Variants in KIAA1671 observed in about 807,000 individuals in gnomAD.
The protein encoded by KIAA1671 is KIAA1671, also known as uncharacterized protein KIAA1671.
In KIAA1671, 52 loss-of-function variants were observed where a neutral mutation model predicts 131.2. That is an observed-to-expected ratio of 0.40 (90% CI 0.32 to 0.50). KIAA1671 has a LOEUF of 0.50. Ranked by LOEUF, KIAA1671 falls within the 20% of genes least tolerant of loss-of-function variation. The pLI is 0.73. For missense variants in KIAA1671, 2,360 were observed against 2,364.2 expected (o/e 1.00, Z 0.04); for synonymous variants, 1,003 against 961.6 (o/e 1.04, Z -0.80).
At chr22:25,001,906 A>G (rs1924498551) in intron 1 of KIAA1671, among the ~76,000 whole-genome samples, 2 of 151,930 alleles carry the variant, frequency 1.3e-5, no homozygotes, top group Admixed American at 1.3e-4. Context: ...ATAAGTATAT[A>G]TTTTTATGTT....
intron 6 of KIAA1671, among the ~76,000 whole-genome samples, chr22:25,090,141 A>G (rs528565413): frequency 6.6e-6 from 1 of 152,240 alleles, no homozygotes; most frequent in South Asian, 2.1e-4. Flanking sequence ...TCCTTAGAAG[A>G]AGTCTCTGGC....
In KIAA1671 at chr22:25,185,295, A is replaced by T. The variant is rs767483811; in HGVS notation, c.5342+176A>T. ...CAATACTCAGATACCTAAAAAGTAC[A>T]ACAGAGGCCGGGGAAGGAGGCCAGG... On this transcript the variant is annotated intron_variant, in intron 11 of 12. Transcript: ENST00000358431. 3.9e-4 allele frequency: 288 copies of T among 736,968 alleles called. 4 individuals carry two copies. The Middle Eastern group carries it at 4.4e-3, about 11-fold the overall frequency. The allele number at this position is 736,968 out of a possible 1,614,324, so 45.7% of individuals were successfully genotyped here.
chr22:24,989,107 TC>T (rs34789870), intron 1 of KIAA1671, among the ~76,000 whole-genome samples: 1 of 152,140 alleles, frequency 6.6e-6, no homozygotes, highest in Non-Finnish European at 1.5e-5. Context: ...GGTTCTGGTT[TC>T]CCCTGGTTTC....
At chr22:25,034,248 G>A (rs1312789125) in intron 4 of KIAA1671, among the ~76,000 whole-genome samples, 1 of 151,876 alleles carries the variant, frequency 6.6e-6, no homozygotes, top group East Asian at 1.9e-4. Context: ...GTTTCGCTGT[G>A]TTGGCCAGGC....
intron 4 of KIAA1671, among the ~76,000 whole-genome samples, chr22:25,035,984 T>A (rs1256520372): frequency 6.6e-6 from 1 of 152,174 alleles, no homozygotes; most frequent in East Asian, 1.9e-4. Flanking sequence ...GGTGGGAAGA[T>A]TGCTTGAGGC....
rs1421397054 is a variant in KIAA1671 at position 24,952,748 on chromosome 22, G to C, written c.-232G>C. ...GCGGGCTGCGGGCAGGTGGCGGCGC[G>C]GCGCGGGCTGGCGGTGGCTCCACGG... On this transcript the variant is annotated 5_prime_UTR_variant, in exon 1 of 13. Transcript: ENST00000358431. The surrounding 1 kb of genome is among the most constrained non-coding windows in gnomAD (Gnocchi z 4.5). 6.5e-6 allele frequency: 1 copy of C among 154,942 alleles called. No homozygotes were observed. The highest frequency in any genetic ancestry group is 2.4e-5 in the African/African-American group (1 of 41,432). The allele number at this position is 154,942 out of a possible 1,614,324, so 9.6% of individuals were successfully genotyped here.
chr22:25,126,690 G>C (rs149605173), intron 6 of KIAA1671, among the ~76,000 whole-genome samples: 4 of 152,238 alleles, frequency 2.6e-5, no homozygotes, highest in African/African-American at 7.2e-5. Flanking sequence ...GAGAGGGAGA[G>C]AGACCTGTGC....
At chr22:24,964,145 G>A (rs1485729040) in intron 1 of KIAA1671, among the ~76,000 whole-genome samples, 14 of 151,906 alleles carry the variant, frequency 9.2e-5, no homozygotes, top group African/African-American at 2.4e-4. Context: ...CCTGGCCAAC[G>A]TGGCAAAACC....
intron 6 of KIAA1671, among the ~76,000 whole-genome samples, chr22:25,169,442 T>TG (rs1673044480): frequency 8.0e-6 from 1 of 124,508 alleles, no homozygotes; most frequent in Non-Finnish European, 1.6e-5. Flanking sequence ...AAAAAAAAGG[T>TG]GACTGAGAGC....
At position 25,034,214 on chromosome 22, in the gene KIAA1671, T is replaced by G. The variant is rs896750704; in HGVS notation, c.1629+1518T>G. On this transcript the variant is annotated intron_variant, in intron 4 of 12. Coordinates refer to ENST00000358431, the MANE Select transcript of KIAA1671 (RefSeq NM_001145206.2). The stretch of plus-strand genomic sequence containing the variant: ...GCACCCACTACCACGCCTGGCTAAT[T>G]TTTGCATTTTTAGTAGAGACGGGGT... Among the ~76,000 whole-genome samples, 583 of 151,966 alleles carry G rather than the reference T, an allele frequency of 3.8e-3. 3 individuals are homozygous for G. Among genetic ancestry groups the G allele is most frequent in the African/African-American group, 0.013 (558 of 41,426 alleles).
chr22:25,044,345 A>T (rs1305659044), intron 5 of KIAA1671, among the ~76,000 whole-genome samples: 1 of 152,160 alleles, frequency 6.6e-6, no homozygotes, highest in Admixed American at 6.5e-5. Context: ...CTGCAGGCTG[A>T]TGTTGTGGTA....
chr22:25,109,443 G>C (rs973762972), intron 6 of KIAA1671, among the ~76,000 whole-genome samples: 1 of 151,936 alleles, frequency 6.6e-6, no homozygotes, highest in Non-Finnish European at 1.5e-5. Context: ...GAGCCACCGC[G>C]CCCGGCCCAT....
chr22:25,033,194 T>G (rs1926385240), intron 4 of KIAA1671, among the ~76,000 whole-genome samples: 2 of 151,998 alleles, frequency 1.3e-5, no homozygotes, highest in South Asian at 4.2e-4. Flanking sequence ...GAGACCAGCC[T>G]GGGCAACATA....
chr22:25,002,356 T>G (rs1602058232), intron 1 of KIAA1671, among the ~76,000 whole-genome samples: 1 of 152,168 alleles, frequency 6.6e-6, no homozygotes, highest in East Asian at 1.9e-4. Context: ...CAGCACTGTT[T>G]GATCAGAGTG....
chr22:25,100,537 C>G lies in KIAA1671; in HGVS notation c.4530+51173C>G, dbSNP rs182066168. Among the ~76,000 whole-genome samples, 4 of 152,296 alleles carry G rather than the reference C, an allele frequency of 2.6e-5. No individual in the cohort carries two copies. In the East Asian group the frequency reaches 5.8e-4, roughly 22 times the overall value. On this transcript the variant is annotated intron_variant, in intron 6 of 12. Coordinates refer to ENST00000358431, the MANE Select transcript of KIAA1671 (RefSeq NM_001145206.2). Reference sequence around the variant, plus strand: ...TAAGGGCCCAGGCTTTGAGTTCCACCCAGCCGTGGGTTGTGTCACAGCTCT... The same window carrying G: ...TAAGGGCCCAGGCTTTGAGTTCCACGCAGCCGTGGGTTGTGTCACAGCTCT...
chr22:25,111,486 G>T (rs1398300712), intron 6 of KIAA1671, among the ~76,000 whole-genome samples: 7 of 152,222 alleles, frequency 4.6e-5, no homozygotes, highest in Admixed American at 6.5e-5. Context: ...TAAGACGGGG[G>T]CTGATGTCAT....
At chr22:25,171,275 C>A (rs1933839536) in intron 7 of KIAA1671, among the ~76,000 whole-genome samples, 1 of 152,076 alleles carries the variant, frequency 6.6e-6, no homozygotes, top group African/African-American at 2.4e-5. Flanking sequence ...CAGCGTACCC[C>A]TGTAATCCCA....
In KIAA1671 at chr22:25,055,938, C is replaced by T. The variant is rs1927818609; in HGVS notation, c.4530+6574C>T. The stretch of plus-strand genomic sequence containing the variant: ...CCGGTGGCATGATCTCGGCTCACTG[C>T]AACACCTCGTGAGTTCAAACCATCC... On this transcript the variant is annotated intron_variant, in intron 6 of 12. Coordinates refer to ENST00000358431, the MANE Select transcript of KIAA1671 (RefSeq NM_001145206.2). 6.0e-5 allele frequency: 9 copies of T among 149,504 alleles called. 1 individual carries two copies. 9.3% of individuals were successfully genotyped at this position (149,504 alleles called of 1,614,324 possible).
rs766667437 is a variant in KIAA1671 at position 24,963,364 on chromosome 22, CAAAAAAA to C, written c.-208+10610_-208+10616del. ...GGGCAACAAGAGTGAAACTCCATCT[CAAAAAAA>C]AAAAAAAAAAAAAAAAAGTATCCTG... is the stretch of plus-strand genomic sequence containing the variant. On this transcript the variant is annotated intron_variant, in intron 1 of 12. Transcript: ENST00000358431. Among the ~76,000 whole-genome samples, 404 of 46,662 alleles carry C rather than the reference CAAAAAAA, an allele frequency of 8.7e-3. 1 individual carries two copies. The highest frequency in any genetic ancestry group is 0.028 in the African/African-American group (358 of 12,908). 30.6% of individuals were successfully genotyped at this position (46,662 alleles called of 152,430 possible). A position where few individuals can be genotyped will look rare whatever the true frequency, so the allele number is the denominator to read the frequency against.
Sources: gnomAD v4.1 joint callset for allele counts (sites outside exome capture counted in the v4.1 genomes callset) on GRCh38, gnomAD v4.1.1 for gene constraint, Gnocchi (gnomAD v3.1) non-coding constraint, MANE v1.5 for transcripts, NCBI Gene and HGNC (gene_info 2026-07-23, HGNC 2026-07-21) for gene names.